HSD17B12: variants seen among roughly 807,000 people sequenced by gnomAD.
The protein encoded by HSD17B12 is very-long-chain 3-oxoacyl-CoA reductase.
In HSD17B12, 32 loss-of-function variants were observed where a neutral mutation model predicts 39.3. The observed-to-expected ratio is 0.81, with a 90% confidence interval of 0.61 to 1.09. The LOEUF (loss-of-function observed/expected upper bound fraction) is 1.09. HSD17B12 is among the 50% of genes least tolerant of loss of function. The pLI is 0.00. For missense variants in HSD17B12, 342 were observed against 382.9 expected (o/e 0.89, Z 0.89); for synonymous variants, 150 against 146.7 (o/e 1.02, Z -0.16).
At chr11:43,686,971 T>G (rs1949806512) in intron 1 of HSD17B12, among the ~76,000 whole-genome samples, 3 of 151,386 alleles carry the variant, frequency 2.0e-5, no homozygotes, top group African/African-American at 7.3e-5. Context: ...TTTGTTGTTG[T>G]TGGTTTTGGT....
At chr11:43,578,387 G>C in the HSD17B12 span, among the ~76,000 whole-genome samples, 15 of 152,228 alleles carry the variant, frequency 9.9e-5, no homozygotes, top group South Asian at 6.2e-4. Context: ...TGAGAGGGTG[G>C]GTGAGTTATG....
the HSD17B12 span, among the ~76,000 whole-genome samples, chr11:43,625,222 CT>C: frequency 6.6e-6 from 1 of 151,476 alleles, no homozygotes; most frequent in East Asian, 1.9e-4. Context: ...CCAAATTTAA[CT>C]TTTATGAGCA....
intron 4 of HSD17B12, among the ~76,000 whole-genome samples, chr11:43,801,595 GATAT>G (rs55674379): frequency 0.22 from 15,143 of 70,260 alleles, 1,046 homozygotes; most frequent in Admixed American, 0.37. Context: ...GATAGTTGGA[GATAT>G]ATATATATAT....
chr11:43,602,243 C>T, the HSD17B12 span, among the ~76,000 whole-genome samples: 116 of 152,196 alleles, frequency 7.6e-4, no homozygotes, highest in African/African-American at 2.8e-3. Flanking sequence ...TCATTGTAAC[C>T]AGTTAAATAA....
chr11:43,659,934 T>A, the HSD17B12 span, among the ~76,000 whole-genome samples: 1 of 152,182 alleles, frequency 6.6e-6, no homozygotes, highest in African/African-American at 2.4e-5. Flanking sequence ...AATTTTTTTT[T>A]AAGCCCAAAC....
At chr11:43,579,846 G>T in the HSD17B12 span, among the ~76,000 whole-genome samples, 1 of 152,026 alleles carries the variant, frequency 6.6e-6, no homozygotes, top group Admixed American at 6.5e-5. Flanking sequence ...CGTTTTCTCC[G>T]GGCGTGCTGG....
the HSD17B12 span, among the ~76,000 whole-genome samples, chr11:43,662,630 G>T: frequency 6.6e-6 from 1 of 152,036 alleles, no homozygotes; most frequent in African/African-American, 2.4e-5. Flanking sequence ...GGGCAAAGTT[G>T]TAATTGTAAC....
At chr11:43,589,011 A>T in the HSD17B12 span, among the ~76,000 whole-genome samples, 1,279 of 150,862 alleles carry the variant, frequency 8.5e-3, 17 homozygotes, top group African/African-American at 0.03. Flanking sequence ...TATTATTTTG[A>T]TGGGGAGAAA....
chr11:43,680,238 T>C (rs1949727746), upstream of HSD17B12, among the ~76,000 whole-genome samples: 2 of 151,958 alleles, frequency 1.3e-5, no homozygotes, highest in South Asian at 2.1e-4. Flanking sequence ...CACGCCCGGC[T>C]AATTTTTGTA....
the HSD17B12 span, among the ~76,000 whole-genome samples, chr11:43,612,199 T>G: frequency 1.3e-5 from 2 of 152,236 alleles, no homozygotes; most frequent in South Asian, 4.1e-4. Context: ...TGAAATTTTA[T>G]GTATTTTATA....
chr11:43,746,696 TATC>T (rs1346953173), intron 1 of HSD17B12, among the ~76,000 whole-genome samples: 1 of 152,218 alleles, frequency 6.6e-6, no homozygotes, highest in African/African-American at 2.4e-5. Flanking sequence ...TTATTATCAT[TATC>T]GAGCACTATA....
chr11:43,680,894 GC>G lies in HSD17B12; in HGVS notation c.70del (p.Leu24CysfsTer47), dbSNP rs762121977. ...CGGCGCGGGCACCGTGGCCTACCTA[GC>G]CCTGCGTATTTCGTACTCGCTCTTC... ...WVGAGTVAYL[A>X]LRISYSLFTA... is the part of the protein sequence containing the mutation. On this transcript the variant is annotated frameshift_variant, in exon 1 of 11. Transcript: ENST00000278353. LOFTEE classifies it high-confidence loss of function. 11 of 1,614,054 alleles carry G rather than the reference GC, an allele frequency of 6.8e-6. No individual in the cohort carries two copies. The highest frequency in any genetic ancestry group is 9.3e-6 in the Non-Finnish European group (11 of 1,179,996).
At chr11:43,660,789 C>A in the HSD17B12 span, among the ~76,000 whole-genome samples, 1 of 152,206 alleles carries the variant, frequency 6.6e-6, no homozygotes, top group East Asian at 1.9e-4. Flanking sequence ...CATTCATCAG[C>A]TGAAGAGTGG....
the HSD17B12 span, among the ~76,000 whole-genome samples, chr11:43,655,507 G>T: frequency 6.6e-6 from 1 of 152,098 alleles, no homozygotes; most frequent in Non-Finnish European, 1.5e-5. Context: ...AATGCTTCCA[G>T]TTTTTGCCCA....
At chr11:43,818,963 A>T (rs1590326271) in intron 6 of HSD17B12, among the ~76,000 whole-genome samples, 1 of 152,206 alleles carries the variant, frequency 6.6e-6, no homozygotes, top group African/African-American at 2.4e-5. Context: ...GCCTTTTGAA[A>T]TGACCAACGT....
intron 1 of HSD17B12, among the ~76,000 whole-genome samples, chr11:43,718,007 G>A (rs1778422520): frequency 6.6e-6 from 1 of 151,982 alleles, no homozygotes; most frequent in Non-Finnish European, 1.5e-5. Flanking sequence ...ATTTCGCCAT[G>A]TTGCTCAGGC....
At chr11:43,699,199 A>G (rs968028916) in intron 1 of HSD17B12, among the ~76,000 whole-genome samples, 2 of 152,180 alleles carry the variant, frequency 1.3e-5, no homozygotes, top group African/African-American at 4.8e-5. Flanking sequence ...TTATTTTATT[A>G]TAAGCATTAT....
the HSD17B12 span, among the ~76,000 whole-genome samples, chr11:43,611,379 T>C: frequency 6.6e-6 from 1 of 152,208 alleles, no homozygotes; most frequent in African/African-American, 2.4e-5. Flanking sequence ...CTAGGTCCGG[T>C]GCAAATGACA....
intron 1 of HSD17B12, among the ~76,000 whole-genome samples, chr11:43,709,332 G>T (rs1162654369): frequency 4.6e-5 from 7 of 152,212 alleles, no homozygotes. Flanking sequence ...TGCCATGTTG[G>T]CCAGGCTGGT....
Sources: gnomAD v4.1 joint callset for allele counts (sites outside exome capture counted in the v4.1 genomes callset) on GRCh38, gnomAD v4.1.1 for gene constraint, MANE v1.5 for transcripts, NCBI Gene and HGNC (gene_info 2026-07-23, HGNC 2026-07-21) for gene names.